GRB10: variants seen among roughly 807,000 people sequenced by gnomAD.
The protein encoded by GRB10 is growth factor receptor-bound protein 10.
Under a neutral mutation model 80.9 loss-of-function variants are expected in GRB10, and 20 were observed. The observed-to-expected ratio is 0.25, with a 90% CI of 0.17 to 0.36. GRB10 has a LOEUF of 0.36. GRB10 is among the 10% of genes least tolerant of loss of function. The pLI is 1.00. For synonymous variants in GRB10, 291 were observed against 291.5 expected, an observed-to-expected ratio of 1.00 and a Z score of 0.02; for missense variants, 548 against 747.7, an observed-to-expected ratio of 0.73 and a Z score of 3.12.
chr7:50,688,252 CA>C (rs1172691108), intron 5 of GRB10, among the ~76,000 whole-genome samples: 3 of 151,902 alleles, frequency 2.0e-5, no homozygotes, highest in Admixed American at 2.0e-4. Context: ...ATTTAAAAAA[CA>C]AAAAACAACA....
At chr7:50,763,728 C>T (rs1023274752) in intron 2 of GRB10, among the ~76,000 whole-genome samples, 6 of 152,244 alleles carry the variant, frequency 3.9e-5, no homozygotes, top group South Asian at 2.1e-4. Context: ...CCATGTAATC[C>T]GCTAGCCCAG....
At chr7:50,765,090 A>G (rs1485529979) in intron 2 of GRB10, among the ~76,000 whole-genome samples, 1 of 152,246 alleles carries the variant, frequency 6.6e-6, no homozygotes. Flanking sequence ...ACCAATATTT[A>G]TCAGGGAAAT....
In GRB10 at chr7:50,591,929, T is replaced by A. The variant is rs1348896768; in HGVS notation, c.*1023A>T. 2 of 152,248 alleles carry A rather than the reference T, an allele frequency of 1.3e-5. No individual in the cohort carries two copies. Among genetic ancestry groups the A allele is most frequent in the South Asian group, 2.1e-4 (1 of 4,832 alleles). 9.4% of individuals were successfully genotyped at this position (152,248 alleles called of 1,614,324 possible). ...GGTGCCATTTTCTCTTTAGATCCTT[T>A]AATCCCCCGAGGGACATCAGCCGTG... On this transcript the variant is annotated 3_prime_UTR_variant, in exon 19 of 19. Transcript: ENST00000401949.
intron 4 of GRB10, among the ~76,000 whole-genome samples, chr7:50,717,412 C>T (rs568328152): frequency 2.6e-5 from 4 of 152,140 alleles, no homozygotes; most frequent in East Asian, 3.9e-4. Flanking sequence ...ATGCTGCCAC[C>T]GCAAGGAGAG....
At chr7:50,720,886 C>T (rs1004419098) in intron 4 of GRB10, among the ~76,000 whole-genome samples, 1 of 152,102 alleles carries the variant, frequency 6.6e-6, no homozygotes, top group Non-Finnish European at 1.5e-5. Flanking sequence ...ACGATATTAT[C>T]CAATAGCTTT....
At chr7:50,769,589 C>G (rs955272512) in intron 2 of GRB10, among the ~76,000 whole-genome samples, 3 of 152,290 alleles carry the variant, frequency 2.0e-5, no homozygotes, top group African/African-American at 4.8e-5. Flanking sequence ...GCACCCTGTA[C>G]CCCATGGTTC....
intron 18 of GRB10, among the ~76,000 whole-genome samples, chr7:50,594,971 T>G (rs773038494): frequency 3.9e-5 from 6 of 152,200 alleles, no homozygotes; most frequent in Non-Finnish European, 8.8e-5. Flanking sequence ...ACAAGACTCC[T>G]CAGACTCCAG....
At chr7:50,617,751 C>A in intron 10 of GRB10, 1 of 438,180 alleles carries the variant, frequency 2.3e-6, no homozygotes. Flanking sequence ...GGAGGGAGCC[C>A]TGAGACTGGG....
Position 50,616,331 on chromosome 7 carries a change from C to A in GRB10, c.863G>T (p.Ser288Ile). The change falls in exon 11 of 19, where the codon AGT becomes ATT. Residue 288 changes from serine to isoleucine, a missense_variant. Around this residue, in one of 4 missense-constraint regions of GRB10, gnomAD observed 270 missense variants for 433.6 expected, o/e 0.62. Transcript: ENST00000401949. ...TQLLQNFLNS[S>I]SCPEIQGFLH... ...AAACCCTTGAATTTCAGGACAACTA[C>A]TGGAGTTCAGAAAATTCTGTTGAAG... 1 of 1,614,144 alleles carries A rather than the reference C, an allele frequency of 6.2e-7. No individual in the cohort carries two copies. The highest frequency in any genetic ancestry group is 8.5e-7 in the Non-Finnish European group (1 of 1,179,966).
Position 50,689,037 on chromosome 7 carries a change from C to T in GRB10, c.140-14379G>A, listed in dbSNP as rs576868470. Among the ~76,000 whole-genome samples the T allele has an allele frequency of 7.4e-4, 113 of 152,286 alleles. 1 individual carries two copies. The South Asian group carries it at 8.7e-3, about 12-fold the overall frequency. ...GGAAGAGTCCAACCAGACAATTTGC[C>T]TTCATCTCTCTCCGAAACCACTCCC... On this transcript the variant is annotated intron_variant, in intron 5 of 18. Coordinates refer to ENST00000401949, the MANE Select transcript of GRB10 (RefSeq NM_001350814.2).
intron 7 of GRB10, among the ~76,000 whole-genome samples, chr7:50,628,144 GA>G (rs1302234312): frequency 6.6e-6 from 1 of 152,208 alleles, no homozygotes; most frequent in East Asian, 1.9e-4. Context: ...CCATGGCAGT[GA>G]AATCACACAC....
At chr7:50,688,299 C>T (rs1261862061) in intron 5 of GRB10, among the ~76,000 whole-genome samples, 1 of 152,172 alleles carries the variant, frequency 6.6e-6, no homozygotes, top group South Asian at 2.1e-4. Context: ...ACTGCAAAGG[C>T]AGACATGTAT....
chr7:50,730,793 G>C (rs1189518428), intron 4 of GRB10, among the ~76,000 whole-genome samples: 1 of 152,176 alleles, frequency 6.6e-6, no homozygotes, highest in Non-Finnish European at 1.5e-5. Context: ...GGAAGGGAAG[G>C]GAAGCTGACA....
At chr7:50,756,941 G>A (rs1423995078) in intron 2 of GRB10, among the ~76,000 whole-genome samples, 2 of 152,184 alleles carry the variant, frequency 1.3e-5, no homozygotes, top group African/African-American at 2.4e-5. Context: ...TCGCTGTTGG[G>A]CTGGAGGAGG....
rs55929713 is a variant in GRB10 at position 50,753,623 on chromosome 7, G to A, written c.-47+2264C>T. Among the ~76,000 whole-genome samples, 437 of 152,296 alleles carry A rather than the reference G, an allele frequency of 2.9e-3. 1 individual carries two copies. Among genetic ancestry groups the A allele is most frequent in the African/African-American group, 9.3e-3 (388 of 41,574 alleles). ...GACCACAGATGACCACAGACTCAGC[G>A]TCTCCCTCCTGGAGGACAGAGGAAG... On this transcript the variant is annotated intron_variant, in intron 3 of 18. Transcript: ENST00000401949.
chr7:50,768,029 A>G (rs1050628917), intron 2 of GRB10, among the ~76,000 whole-genome samples: 5 of 152,148 alleles, frequency 3.3e-5, no homozygotes, highest in Non-Finnish European at 5.9e-5. Context: ...AGAGCTCAGC[A>G]TTCTGCTTCC....
At chr7:50,606,928 TCTCTG>T in intron 13 of GRB10, 49 of 174,664 alleles carry the variant, frequency 2.8e-4, no homozygotes, top group South Asian at 1.2e-3. Context: ...TCGTGACTTT[TCTCTG>T]TTCTTGGGCG....
intron 5 of GRB10, among the ~76,000 whole-genome samples, chr7:50,676,000 C>T (rs2060885679): frequency 6.6e-6 from 1 of 152,218 alleles, no homozygotes; most frequent in Non-Finnish European, 1.5e-5. Flanking sequence ...TAACCCAATA[C>T]ATTCTAATAA....
At chr7:50,665,847 G>C (rs973471634) in intron 7 of GRB10, among the ~76,000 whole-genome samples, 2 of 152,228 alleles carry the variant, frequency 1.3e-5, no homozygotes, top group Non-Finnish European at 2.9e-5. Context: ...CCGATCAGAA[G>C]TAGCCCCCTT....
Sources: allele counts gnomAD v4.1 joint callset (sites outside exome capture counted in the v4.1 genomes callset), GRCh38; gene constraint gnomAD v4.1.1; regional missense constraint gnomAD v4.1.1; transcripts MANE v1.5; gene names NCBI Gene and HGNC (gene_info 2026-07-23, HGNC 2026-07-21).